Variants in BBS9 observed in about 807,000 individuals in gnomAD.
The protein encoded by BBS9 is Bardet-Biedl syndrome 9.
A neutral mutation model predicts 117.7 loss-of-function variants in BBS9; 89 were observed. The ratio of observed to expected loss-of-function variants is 0.76; its 90% CI spans 0.64 to 0.90. The LOEUF is 0.90. Ranked by LOEUF, BBS9 falls within the 40% of genes least tolerant of loss-of-function variation. The pLI is 0.00. For missense variants in BBS9, 982 were observed against 1,042.2 expected (o/e 0.94, Z 0.80); for synonymous variants, 379 against 370.9 (o/e 1.02, Z -0.25).
chr7:33,634,129 A>G (rs1866030717), intron 21 of BBS9, among the ~76,000 whole-genome samples: 1 of 152,186 alleles, frequency 6.6e-6, no homozygotes, highest in Non-Finnish European at 1.5e-5. Flanking sequence ...GAGATCCATG[A>G]GTGGAAACCT....
intron 5 of BBS9, among the ~76,000 whole-genome samples, chr7:33,187,250 T>C (rs1168905784): frequency 1.3e-5 from 2 of 152,252 alleles, no homozygotes; most frequent in Non-Finnish European, 2.9e-5. Context: ...AATAAGATAC[T>C]TCTTGTAGTC....
chr7:33,352,687 C>T (rs1489495892), intron 14 of BBS9, among the ~76,000 whole-genome samples, 172 bp from the exon 15 acceptor site: 1 of 152,000 alleles, frequency 6.6e-6, no homozygotes. Context: ...GTTATACTCT[C>T]AATTGTGGAT....
intron 21 of BBS9, among the ~76,000 whole-genome samples, chr7:33,600,573 T>G (rs776041203): frequency 1.6e-4 from 24 of 152,118 alleles, no homozygotes; most frequent in Non-Finnish European, 2.6e-4. Flanking sequence ...AATGTAAAAT[T>G]TATATTTTCT....
At chr7:33,168,420 A>G (rs7780194) in intron 4 of BBS9, among the ~76,000 whole-genome samples, 127,295 of 152,210 alleles carry the variant, frequency 0.84, 53,226 homozygotes, top group Admixed American at 0.87. Flanking sequence ...GACAGATCCT[A>G]TCTCTTTTTC....
At chr7:33,353,342 T>C (rs890988757) in intron 15 of BBS9, among the ~76,000 whole-genome samples, 1 of 152,206 alleles carries the variant, frequency 6.6e-6, no homozygotes, top group African/African-American at 2.4e-5. Flanking sequence ...TTGTCTTGTT[T>C]AGAATTTGTA....
intron 20 of BBS9, among the ~76,000 whole-genome samples, chr7:33,518,186 T>G (rs1848080200): frequency 6.6e-6 from 1 of 151,878 alleles, no homozygotes; most frequent in South Asian, 2.1e-4. Context: ...ACTAAAGCAC[T>G]TTACTGTACT....
intron 5 of BBS9, among the ~76,000 whole-genome samples, chr7:33,219,707 A>G (rs1789841785): frequency 6.6e-6 from 1 of 152,106 alleles, no homozygotes; most frequent in Non-Finnish European, 1.5e-5. Context: ...AAACGCACCA[A>G]TCAGCGCCCT....
At position 33,505,538 on chromosome 7, in the gene BBS9, A is replaced by G; in HGVS notation, c.2191A>G (p.Thr731Ala). Residue 731 changes from threonine to alanine, a missense_variant, in exon 20 of 23, where the codon ACC (threonine) becomes GCC (alanine). Coordinates refer to ENST00000242067, the MANE Select transcript of BBS9 (RefSeq NM_198428.3). The part of the protein sequence containing the change: ...FQSFTRLKSA[T>A]HLVILLIALW... ...GTCATTCACCAGGCTGAAGAGTGCC[A>G]CCCATTTGGTGATTCTGCTGATCGC... 4 of 1,614,156 alleles carry G rather than the reference A, an allele frequency of 2.5e-6. No homozygotes were observed. Among genetic ancestry groups the G allele is most frequent in the Non-Finnish European group, 3.4e-6 (4 of 1,179,986 alleles).
chr7:33,235,623 A>G (rs1440326985), intron 5 of BBS9, among the ~76,000 whole-genome samples: 1 of 152,186 alleles, frequency 6.6e-6, no homozygotes, highest in Non-Finnish European at 1.5e-5. Flanking sequence ...TTGGAATAAC[A>G]TCAAATTAAG....
At chr7:33,163,615 C>T (rs1795210916) in intron 4 of BBS9, among the ~76,000 whole-genome samples, 1 of 152,110 alleles carries the variant, frequency 6.6e-6, no homozygotes, top group Non-Finnish European at 1.5e-5. Flanking sequence ...AGTTTTTTTG[C>T]ATAGAGGTGT....
chr7:33,373,230 GA>G (rs907101275), intron 17 of BBS9, among the ~76,000 whole-genome samples: 2 of 151,472 alleles, frequency 1.3e-5, no homozygotes, highest in African/African-American at 2.4e-5. Flanking sequence ...AGATTAGAAA[GA>G]AAAAAAACAA....
At chr7:33,414,689 A>G (rs1017659437) in intron 19 of BBS9, among the ~76,000 whole-genome samples, 1 of 152,198 alleles carries the variant, frequency 6.6e-6, no homozygotes, top group African/African-American at 2.4e-5. Flanking sequence ...GTTTCCTAGT[A>G]TTGAATAATT....
At chr7:33,225,664 A>T (rs1315944706) in intron 5 of BBS9, among the ~76,000 whole-genome samples, 1 of 149,064 alleles carries the variant, frequency 6.7e-6, no homozygotes, top group African/African-American at 2.5e-5. Context: ...CCTCTCCCAG[A>T]ACTGGAATCA....
At chr7:33,554,403 G>A (rs190186619) in intron 21 of BBS9, among the ~76,000 whole-genome samples, 12 of 152,244 alleles carry the variant, frequency 7.9e-5, no homozygotes, top group African/African-American at 2.9e-4. Flanking sequence ...TGGGGTTATG[G>A]CAATGGAGAT....
intron 21 of BBS9, among the ~76,000 whole-genome samples, chr7:33,537,829 A>G (rs554464358): frequency 6.6e-6 from 1 of 152,354 alleles, no homozygotes; most frequent in South Asian, 2.1e-4. Context: ...TCAAGCATAT[A>G]TGCAAAACTT....
intron 7 of BBS9, among the ~76,000 whole-genome samples, chr7:33,266,068 C>T (rs1015361404): frequency 6.6e-6 from 1 of 152,090 alleles, no homozygotes; most frequent in African/African-American, 2.4e-5. Context: ...TTCCATGGCT[C>T]TTCTTCATTC....
intron 19 of BBS9, among the ~76,000 whole-genome samples, chr7:33,493,214 C>CA (rs1844258391): frequency 6.6e-6 from 1 of 152,136 alleles, no homozygotes; most frequent in Non-Finnish European, 1.5e-5. Flanking sequence ...AGGCTGGTCT[C>CA]AAACTCCTGA....
intron 6 of BBS9, 89 bp downstream of exon 6, chr7:33,257,499 C>T: frequency 2.0e-6 from 2 of 996,384 alleles, no homozygotes; most frequent in East Asian, 2.6e-5. Context: ...TTCAATATCA[C>T]AAATGAAAAA....
intron 16 of BBS9, among the ~76,000 whole-genome samples, chr7:33,364,351 T>C (rs1821241541): frequency 6.6e-6 from 1 of 152,302 alleles, no homozygotes; most frequent in Admixed American, 6.5e-5. Context: ...TCTACAGTTA[T>C]GTGAATAATT....
Sources: gnomAD v4.1 joint callset for allele counts (sites outside exome capture counted in the v4.1 genomes callset) on GRCh38, gnomAD v4.1.1 for gene constraint, MANE v1.5 for transcripts, NCBI Gene and HGNC (gene_info 2026-07-23, HGNC 2026-07-21) for gene names.